SLC2A14: variants seen among roughly 807,000 people sequenced by gnomAD.
The protein encoded by SLC2A14 is solute carrier family 2 member 14, also known as solute carrier family 2, facilitated glucose transporter member 14.
SLC2A14 carries 13 observed loss-of-function variants against 43.0 expected under a neutral mutation model. The ratio of observed to expected loss-of-function variants is 0.30; its 90% CI spans 0.20 to 0.48. The LOEUF (loss-of-function observed/expected upper bound fraction) is 0.48, where lower values mean the gene tolerates loss of function less well. SLC2A14 is among the 20% of genes least tolerant of loss of function. The probability of loss-of-function intolerance (pLI) is 0.99; values close to 1 mark genes in which losing one functional copy is unlikely to be tolerated. For synonymous variants in SLC2A14, 190 were observed against 233.8 expected, an observed-to-expected ratio of 0.81 and a Z score of 1.71; for missense variants, 428 against 620.4, an observed-to-expected ratio of 0.69 and a Z score of 3.29.
intron 2 of SLC2A14, among the ~76,000 whole-genome samples, chr12:7,835,987 G>A (rs1382278116): frequency 2.0e-5 from 3 of 152,152 alleles, no homozygotes; most frequent in East Asian, 1.9e-4. Context: ...CATCACTCCC[G>A]TTGATCCTGA....
chr12:7,848,592 G>A (rs1484967922), intron 2 of SLC2A14, among the ~76,000 whole-genome samples: 1 of 142,492 alleles, frequency 7.0e-6, no homozygotes. Flanking sequence ...TTTTGCTCTT[G>A]TCGCCCAGGC....
intron 7 of SLC2A14, among the ~76,000 whole-genome samples, chr12:7,823,364 CA>C (rs2120705156): frequency 7.3e-6 from 1 of 137,224 alleles, no homozygotes. Context: ...GCCTGGGCAA[CA>C]GAGCGAGACT....
Position 7,829,770 on chromosome 12 carries a change from G to A in SLC2A14, c.509C>T (p.Ala170Val). ...GTATGAGAAGTTCTAGAGTACCTGG[G>A]CCACCAGAATTCCAATAACTATGCC... ...QLGIVIGILV[A>V]QIFGLELILG... The change falls in exon 5 of 11, where the codon GCC becomes GTC. Residue 170 changes from alanine to valine, a missense_variant. By Grantham distance (64) the Ala-to-Val change is moderately conservative. Coordinates refer to ENST00000431042, the MANE Select transcript of SLC2A14 (RefSeq NM_001286234.2). 1 of 1,614,058 alleles carries A rather than the reference G, an allele frequency of 6.2e-7. No individual in the cohort carries two copies. Among genetic ancestry groups the A allele is most frequent in the Non-Finnish European group, 8.5e-7 (1 of 1,180,018 alleles).
intron 1 of SLC2A14, chr12:7,870,845 A>T (rs1485585425): frequency 5.5e-6 from 7 of 1,269,724 alleles, no homozygotes; most frequent in Non-Finnish European, 7.2e-6. Flanking sequence ...ACCCACCTGA[A>T]GCCAAAATGT....
intron 4 of SLC2A14, among the ~76,000 whole-genome samples, 179 bp from the exon 5 acceptor site, chr12:7,830,185 C>T (rs1565516737): frequency 1.4e-5 from 2 of 147,272 alleles, no homozygotes; most frequent in South Asian, 2.1e-4. Context: ...CAGAGTCTCG[C>T]TCTGTTGCCC....
intron 2 of SLC2A14, among the ~76,000 whole-genome samples, chr12:7,864,831 A>G (rs55684128): frequency 0.4 from 60,199 of 151,548 alleles, 12,094 homozygotes; most frequent in East Asian, 0.55. Flanking sequence ...AAGCCTCCAT[A>G]CTCTTAGGGT....
chr12:7,877,282 G>A (rs991247557), upstream of SLC2A14, among the ~76,000 whole-genome samples: 16 of 151,998 alleles, frequency 1.1e-4, no homozygotes, highest in African/African-American at 3.6e-4. Flanking sequence ...ACAGGCGTGA[G>A]CCACCATGTC....
At chr12:7,859,929 G>T (rs1249885638) in intron 2 of SLC2A14, among the ~76,000 whole-genome samples, 6 of 152,138 alleles carry the variant, frequency 3.9e-5, no homozygotes, top group Non-Finnish European at 8.8e-5. Flanking sequence ...AAGATGAAAA[G>T]AATTTTGAGA....
chr12:7,830,113 T>A, intron 4 of SLC2A14, 107 bp from the exon 5 acceptor site: 1 of 1,394,260 alleles, frequency 7.2e-7, no homozygotes, highest in Non-Finnish European at 9.7e-7. Context: ...TATCAACTCC[T>A]TTTTTGGTCT....
intron 7 of SLC2A14, among the ~76,000 whole-genome samples, 199 bp downstream of exon 7, chr12:7,827,296 C>A (rs1386276450): frequency 9.0e-6 from 1 of 111,328 alleles, no homozygotes; most frequent in Admixed American, 1.1e-4. Context: ...TTTTTTTAGA[C>A]GAAGTTTCTC....
intron 1 of SLC2A14, chr12:7,890,976 A>T (rs900579876): frequency 6.5e-7 from 1 of 1,529,092 alleles, no homozygotes; most frequent in Non-Finnish European, 8.7e-7. Context: ...TTGAAGCATG[A>T]TCTATCTAGT....
chr12:7,883,434 T>G (rs1945626873), intron 1 of SLC2A14, among the ~76,000 whole-genome samples: 1 of 149,804 alleles, frequency 6.7e-6, no homozygotes, highest in Admixed American at 6.7e-5. Context: ...GCATGGCTGA[T>G]TTTTTGTATT....
At chr12:7,871,101 C>T in intron 1 of SLC2A14, 1 of 1,353,332 alleles carries the variant, frequency 7.4e-7, no homozygotes, top group Non-Finnish European at 9.8e-7. Context: ...GGCCCATCAA[C>T]TTCACCACTT....
intron 9 of SLC2A14, 88 bp downstream of exon 9, chr12:7,819,394 C>T: frequency 1.3e-6 from 2 of 1,531,092 alleles, no homozygotes; most frequent in South Asian, 1.2e-5. Context: ...CAAACTGCAA[C>T]CTTAACAACC....
In SLC2A14 at chr12:7,814,428, T is replaced by G. The variant is rs1165268829; in HGVS notation, c.1382A>C (p.Asp461Ala). ...VPETRGRTFE[D>A]ITRAFEGQAH... ...CTGCCCTTCAAAGGCCCGTGTGATA[T>G]CCTCAAAAGTCCTGCCACGGGTCTC... The change falls in exon 11 of 11, where the codon GAT becomes GCT. Residue 461 changes from aspartate to alanine, a missense_variant. Physicochemically the swap from Asp to Ala is moderately radical, Grantham distance 126. Transcript: ENST00000431042. The G allele has an allele frequency of 8.1e-6, 13 of 1,613,442 alleles. No homozygotes were observed. Among genetic ancestry groups the G allele is most frequent in the East Asian group, 4.5e-5 (2 of 44,854 alleles).
chr12:7,825,575 A>G (rs1864285081), intron 7 of SLC2A14, among the ~76,000 whole-genome samples: 1 of 151,742 alleles, frequency 6.6e-6, no homozygotes, highest in South Asian at 2.1e-4. Context: ...TATCTTGGCT[A>G]ACACACAGAA....
chr12:7,858,751 A>AG (rs1481755276), intron 2 of SLC2A14, among the ~76,000 whole-genome samples: 8 of 152,094 alleles, frequency 5.3e-5, no homozygotes, highest in Non-Finnish European at 1.0e-4. Flanking sequence ...TGCCTGCCTC[A>AG]GCCTCCCAAA....
intron 2 of SLC2A14, among the ~76,000 whole-genome samples, chr12:7,865,108 G>A (rs1565570373): frequency 6.6e-6 from 1 of 151,992 alleles, no homozygotes; most frequent in Non-Finnish European, 1.5e-5. Context: ...GCCACATTCT[G>A]GTAATTCTTG....
intron 2 of SLC2A14, among the ~76,000 whole-genome samples, chr12:7,845,325 A>G (rs950306377): frequency 3.9e-5 from 6 of 152,174 alleles, no homozygotes; most frequent in Non-Finnish European, 8.8e-5. Context: ...TCCATTCCCA[A>G]AGGAAAGTTA....
Sources: allele counts gnomAD v4.1 joint callset (sites outside exome capture counted in the v4.1 genomes callset), GRCh38; gene constraint gnomAD v4.1.1; transcripts MANE v1.5; gene names NCBI Gene and HGNC (gene_info 2026-07-23, HGNC 2026-07-21).